Variants in KLF12 observed in about 807,000 individuals in gnomAD.
The protein encoded by KLF12 is KLF transcription factor 12.
KLF12 carries 9 observed loss-of-function variants against 37.8 expected under a neutral mutation model. The ratio of observed to expected loss-of-function variants is 0.24; its 90% CI spans 0.14 to 0.42. The LOEUF is 0.42. Among genes scored for constraint, KLF12 ranks in the 10% least tolerant of loss-of-function variants. The pLI is 1.00. For synonymous variants in KLF12, 208 were observed against 202.1 expected (o/e 1.03, Z -0.25); for missense variants, 411 against 516.0 (o/e 0.80, Z 1.97).
chr13:73,840,862 G>A (rs1344602419), intron 4 of KLF12, among the ~76,000 whole-genome samples: 1 of 151,802 alleles, frequency 6.6e-6, no homozygotes, highest in African/African-American at 2.4e-5. Flanking sequence ...AGTTCCACCA[G>A]CCTCCTAGCA....
At chr13:74,032,458 A>G (rs1243896768) in intron 1 of KLF12, among the ~76,000 whole-genome samples, 1 of 152,142 alleles carries the variant, frequency 6.6e-6, no homozygotes, top group African/African-American at 2.4e-5. Flanking sequence ...TGAACTGTAC[A>G]TTTCCAAGCT....
At chr13:74,086,475 C>A (rs944074745) in intron 1 of KLF12, among the ~76,000 whole-genome samples, 1 of 151,990 alleles carries the variant, frequency 6.6e-6, no homozygotes, top group African/African-American at 2.4e-5. Flanking sequence ...GCATAGTATT[C>A]CACGGTGTAT....
At chr13:74,059,266 A>G (rs1873435810) in intron 1 of KLF12, among the ~76,000 whole-genome samples, 2 of 152,246 alleles carry the variant, frequency 1.3e-5, no homozygotes, top group Admixed American at 6.5e-5. Context: ...AAGCATTTTC[A>G]TAGAATGATT....
chr13:73,752,630 C>G (rs1034719318), intron 6 of KLF12, among the ~76,000 whole-genome samples: 1 of 152,146 alleles, frequency 6.6e-6, no homozygotes, highest in Non-Finnish European at 1.5e-5. Flanking sequence ...ATCCACTTCT[C>G]TCCTTCTGTG....
At chr13:73,991,020 G>A (rs1029604952) in intron 2 of KLF12, among the ~76,000 whole-genome samples, 3 of 152,042 alleles carry the variant, frequency 2.0e-5, no homozygotes, top group Non-Finnish European at 4.4e-5. Context: ...TTCAAATAAT[G>A]AAGCTATTTC....
chr13:74,165,738 G>A, the KLF12 span, among the ~76,000 whole-genome samples: 8 of 152,208 alleles, frequency 5.3e-5, no homozygotes, highest in Non-Finnish European at 8.8e-5. Flanking sequence ...GAAATGCCAG[G>A]TTTCCCTGAT....
At chr13:74,151,166 C>T in the KLF12 span, among the ~76,000 whole-genome samples, 1 of 152,178 alleles carries the variant, frequency 6.6e-6, no homozygotes, top group South Asian at 2.1e-4. Flanking sequence ...AGAGAATTTG[C>T]CTTAGAGCAC....
chr13:73,944,943 C>T (rs1428845733), intron 2 of KLF12, among the ~76,000 whole-genome samples: 1 of 152,120 alleles, frequency 6.6e-6, no homozygotes, highest in Non-Finnish European at 1.5e-5. Flanking sequence ...TTCTCTGTTA[C>T]ATATTGACTC....
intron 1 of KLF12, among the ~76,000 whole-genome samples, chr13:74,083,887 G>A (rs1446840889): frequency 3.3e-5 from 5 of 152,170 alleles, no homozygotes; most frequent in African/African-American, 1.2e-4. Context: ...AAGCAGGTTG[G>A]CTTCTTGGAG....
At chr13:73,922,664 G>A (rs1593731484) in intron 3 of KLF12, among the ~76,000 whole-genome samples, 1 of 152,120 alleles carries the variant, frequency 6.6e-6, no homozygotes, top group East Asian at 1.9e-4. Flanking sequence ...CAGCATCTCT[G>A]ACTTCTTGTC....
chr13:74,087,758 A>G (rs1875397585), intron 1 of KLF12, among the ~76,000 whole-genome samples: 2 of 152,088 alleles, frequency 1.3e-5, no homozygotes, highest in South Asian at 4.1e-4. Context: ...GTTGGCATCA[A>G]ATGAGAATAT....
rs897221642 is a variant in KLF12, at chr13:73,690,950, G to A, written c.*4540C>T. 1.4e-4 allele frequency: 22 copies of A among 152,622 alleles called. No individual in the cohort carries two copies. The highest frequency in any genetic ancestry group is 5.1e-4 in the African/African-American group (21 of 41,520). The allele number at this position is 152,622 out of a possible 1,614,324, so 9.5% of individuals were successfully genotyped here. A position where few individuals can be genotyped will look rare whatever the true frequency, so the allele number is the denominator to read the frequency against. Reference sequence around the variant, plus strand: ...TTGCTCAGTAATTAGCATATTTAAAGTATCAGTGGACATGGGTTACTAAAC... The same window carrying A: ...TTGCTCAGTAATTAGCATATTTAAAATATCAGTGGACATGGGTTACTAAAC... On this transcript the variant is annotated 3_prime_UTR_variant, in exon 8 of 8. Transcript: ENST00000377669.
At chr13:73,783,686 C>A (rs1881124150) in intron 5 of KLF12, among the ~76,000 whole-genome samples, 1 of 151,688 alleles carries the variant, frequency 6.6e-6, no homozygotes, top group Admixed American at 6.6e-5. Flanking sequence ...AGTGTAGTCT[C>A]ATGATGGCCT....
the KLF12 span, among the ~76,000 whole-genome samples, chr13:74,218,228 C>T: frequency 1.3e-5 from 2 of 152,076 alleles, no homozygotes; most frequent in Non-Finnish European, 2.9e-5. Flanking sequence ...TGGTCAGTCC[C>T]CATCTCTTGA....
In KLF12 at chr13:73,697,189, G is replaced by A. The variant is rs143559828; in HGVS notation, c.1028-1518C>T. Among the ~76,000 whole-genome samples the A allele has an allele frequency of 2.8e-3, 432 of 152,204 alleles. 1 individual carries two copies. The highest frequency in any genetic ancestry group is 4.4e-3 in the Non-Finnish European group (296 of 68,012). On this transcript the variant is annotated intron_variant, in intron 7 of 7. Coordinates refer to ENST00000377669, the MANE Select transcript of KLF12 (RefSeq NM_007249.5). ...AGATGTGCAGGTAATGCCTACATGG[G>A]AAAACTAGTCCAAACTGGACCCAAC...
At chr13:73,962,690 AT>A (rs1408894671) in intron 2 of KLF12, among the ~76,000 whole-genome samples, 1 of 152,222 alleles carries the variant, frequency 6.6e-6, no homozygotes, top group Admixed American at 6.5e-5. Context: ...TTAATCACAA[AT>A]TCTACTTTTT....
the KLF12 span, among the ~76,000 whole-genome samples, chr13:74,165,294 CT>C: frequency 0.013 from 1,574 of 124,364 alleles, 26 homozygotes; most frequent in African/African-American, 0.041. Flanking sequence ...TTCATATTTT[CT>C]TTTCTTTTTT....
the KLF12 span, among the ~76,000 whole-genome samples, chr13:74,232,122 C>T: frequency 2.0e-5 from 3 of 152,130 alleles, no homozygotes; most frequent in African/African-American, 7.2e-5. Context: ...CCTTCCAAGT[C>T]TTGCTGGCAG....
At position 73,689,500 on chromosome 13, in the gene KLF12, T is replaced by C. The variant is rs900275956; in HGVS notation, c.*5990A>G. On this transcript the variant is annotated 3_prime_UTR_variant, in exon 8 of 8. Coordinates refer to ENST00000377669, the MANE Select transcript of KLF12 (RefSeq NM_007249.5). ...TTTCCAGGGTTCATGTCTATTCATA[T>C]AGTCTCATTGTATATTTCTATCCAT... The C allele has an allele frequency of 1.3e-5, 2 of 152,170 alleles. No homozygotes were observed. Among genetic ancestry groups the C allele is most frequent in the Non-Finnish European group, 2.9e-5 (2 of 68,018 alleles). 9.4% of individuals were successfully genotyped at this position (152,170 alleles called of 1,614,324 possible). A position where few individuals can be genotyped will look rare whatever the true frequency, so the allele number is the denominator to read the frequency against.
Sources: allele counts gnomAD v4.1 joint callset (sites outside exome capture counted in the v4.1 genomes callset), GRCh38; gene constraint gnomAD v4.1.1; transcripts MANE v1.5; gene names NCBI Gene and HGNC (gene_info 2026-07-23, HGNC 2026-07-21).